SYT1: variants seen among roughly 807,000 people sequenced by gnomAD.
SYT1 encodes the protein synaptotagmin 1.
A neutral mutation model predicts 44.8 loss-of-function variants in SYT1; 8 were observed. The ratio of observed to expected loss-of-function variants is 0.18; its 90% confidence interval spans 0.10 to 0.32. SYT1 has a LOEUF of 0.32. SYT1 is among the 10% of genes least tolerant of loss of function. The probability of loss-of-function intolerance (pLI) is 1.00; values close to 1 mark genes in which losing one functional copy is unlikely to be tolerated. For missense variants in SYT1, 286 were observed against 509.3 expected, an observed-to-expected ratio of 0.56 and a Z score of 4.22; for synonymous variants, 154 against 188.8, an observed-to-expected ratio of 0.82 and a Z score of 1.51.
At chr12:79,109,539 A>T (rs1878900584) in intron 3 of SYT1, among the ~76,000 whole-genome samples, 1 of 152,188 alleles carries the variant, frequency 6.6e-6, no homozygotes, top group African/African-American at 2.4e-5. Context: ...CTCAGCTATA[A>T]AATGGAAATA....
intron 9 of SYT1, among the ~76,000 whole-genome samples, chr12:79,419,540 C>G (rs866974710): frequency 2.0e-5 from 3 of 152,054 alleles, no homozygotes; most frequent in Non-Finnish European, 4.4e-5. Flanking sequence ...GTTACACTGC[C>G]CAATGTGGAA....
At chr12:79,272,183 A>G (rs1878463142) in intron 4 of SYT1, among the ~76,000 whole-genome samples, 1 of 152,254 alleles carries the variant, frequency 6.6e-6, no homozygotes, top group African/African-American at 2.4e-5. Flanking sequence ...TGAGCAGGGA[A>G]CAACTTACCC....
intron 3 of SYT1, among the ~76,000 whole-genome samples, chr12:79,088,466 T>C (rs1210961748): frequency 2.0e-5 from 3 of 152,030 alleles, no homozygotes; most frequent in Admixed American, 6.6e-5. Context: ...CTGGCTTTCA[T>C]GCAGTTTAAA....
intron 3 of SYT1, among the ~76,000 whole-genome samples, chr12:79,153,362 G>A (rs193262690): frequency 6.6e-6 from 1 of 152,204 alleles, no homozygotes; most frequent in East Asian, 1.9e-4. Context: ...TTGTAGGTCG[G>A]AAGAAGAGCC....
chr12:79,035,409 A>T (rs1013507476), intron 2 of SYT1, among the ~76,000 whole-genome samples: 7 of 151,710 alleles, frequency 4.6e-5, no homozygotes, highest in African/African-American at 1.7e-4. Flanking sequence ...ACCTTAGAGC[A>T]CTTTGTAAAG....
chr12:78,902,186 T>C (rs1208636687), intron 1 of SYT1, among the ~76,000 whole-genome samples: 1 of 134,930 alleles, frequency 7.4e-6, no homozygotes, highest in East Asian at 2.1e-4. Context: ...TAAAGTATAA[T>C]AATAAATATG....
At position 79,370,451 on chromosome 12, in the gene SYT1, G is replaced by C. The variant is rs1883733901; in HGVS notation, c.928+16832G>C. Among the ~76,000 whole-genome samples the C allele has an allele frequency of 1.3e-5, 2 of 152,160 alleles. 1 individual carries two copies. The highest frequency in any genetic ancestry group is 4.1e-4 in the South Asian group (2 of 4,832). On this transcript the variant is annotated intron_variant, in intron 9 of 10. Transcript: ENST00000261205. Reference sequence around the variant, plus strand: ...CATTTTAGTTCCCAAACAAAAGCTAGAGGAAAGTTTATCAGAAATACTGAG... The same window carrying C: ...CATTTTAGTTCCCAAACAAAAGCTACAGGAAAGTTTATCAGAAATACTGAG...
intron 4 of SYT1, among the ~76,000 whole-genome samples, chr12:79,251,077 C>G (rs1877184312): frequency 1.3e-5 from 2 of 152,156 alleles, no homozygotes; most frequent in African/African-American, 4.8e-5. Flanking sequence ...GTTGCCTTTT[C>G]TAGTTCTAGC....
intron 3 of SYT1, among the ~76,000 whole-genome samples, chr12:79,108,631 C>A (rs1445719643): frequency 1.3e-5 from 2 of 152,066 alleles, no homozygotes; most frequent in Non-Finnish European, 2.9e-5. Flanking sequence ...CCTTCTCATA[C>A]ATTTGTGGAT....
rs567234734 is a variant in SYT1 at position 79,032,649 on chromosome 12, G to A, written c.-83-14648G>A. ...ATTTTAGGTCATGTTACAATTGTTA[G>A]TAAAATTAAAAATCCACATGTGATA... On this transcript the variant is annotated intron_variant, in intron 2 of 10. Transcript: ENST00000261205. Among the ~76,000 whole-genome samples the A allele has an allele frequency of 2.0e-5, 3 of 151,382 alleles. No individual in the cohort carries two copies. The Admixed American group carries it at 2.0e-4, about 10-fold the overall frequency.
intron 1 of SYT1, among the ~76,000 whole-genome samples, chr12:78,961,956 A>G (rs1193187849): frequency 1.3e-5 from 2 of 152,198 alleles, no homozygotes; most frequent in African/African-American, 4.8e-5. Context: ...TATTCTTACA[A>G]TTTTTTAATG....
intron 2 of SYT1, among the ~76,000 whole-genome samples, chr12:78,999,908 C>T (rs1007145551): frequency 6.6e-6 from 1 of 151,894 alleles, no homozygotes. Context: ...GCCAGGGTGC[C>T]GATTATACAA....
intron 3 of SYT1, among the ~76,000 whole-genome samples, chr12:79,099,868 G>T (rs749488580): frequency 6.6e-6 from 1 of 151,928 alleles, no homozygotes; most frequent in Non-Finnish European, 1.5e-5. Flanking sequence ...CTCCTAATCC[G>T]GATCCTCTAA....
chr12:79,102,262 C>T (rs1244364090), intron 3 of SYT1, among the ~76,000 whole-genome samples: 4 of 147,296 alleles, frequency 2.7e-5, no homozygotes, highest in Non-Finnish European at 6.0e-5. Context: ...CCTTCTCTCT[C>T]TCTCTCTTTC....
intron 2 of SYT1, among the ~76,000 whole-genome samples, chr12:79,029,291 A>C (rs1872703000): frequency 6.6e-6 from 1 of 150,930 alleles, no homozygotes. Flanking sequence ...CAACAGTACA[A>C]ATTGTTTTTG....
At chr12:79,145,735 TG>T (rs1285250374) in intron 3 of SYT1, among the ~76,000 whole-genome samples, 2,365 of 148,610 alleles carry the variant, frequency 0.016, 98 homozygotes, top group African/African-American at 0.057. Context: ...TTAAACATAG[TG>T]GTTTTTTTTT....
chr12:79,307,607 G>T (rs1880461742), intron 8 of SYT1, among the ~76,000 whole-genome samples: 2 of 149,864 alleles, frequency 1.3e-5, no homozygotes, highest in South Asian at 4.2e-4. Flanking sequence ...GGGGATGGTC[G>T]GAAGGGCTGG....
intron 1 of SYT1, among the ~76,000 whole-genome samples, chr12:78,866,792 T>C (rs774607651): frequency 1.3e-5 from 2 of 152,150 alleles, no homozygotes; most frequent in African/African-American, 4.8e-5. Context: ...TGTCTAGAAC[T>C]CCACTTGATA....
chr12:79,366,146 G>A (rs1042196431), intron 9 of SYT1, among the ~76,000 whole-genome samples: 3 of 152,144 alleles, frequency 2.0e-5, no homozygotes, highest in Non-Finnish European at 4.4e-5. Flanking sequence ...CTTTAATGTA[G>A]TGAAAATATT....
Sources: gnomAD v4.1 joint callset for allele counts (sites outside exome capture counted in the v4.1 genomes callset) on GRCh38, gnomAD v4.1.1 for gene constraint, MANE v1.5 for transcripts, NCBI Gene and HGNC (gene_info 2026-07-23, HGNC 2026-07-21) for gene names.